The following SPPL2B variants were observed in gnomAD, a reference collection of about 807,000 sequenced individuals.
SPPL2B encodes signal peptide peptidase-like 2B.
In SPPL2B, 39 loss-of-function variants were observed where a neutral mutation model predicts 59.7. The ratio of observed to expected loss-of-function variants is 0.65; its 90% CI spans 0.51 to 0.85. The LOEUF is 0.85. Ranked by LOEUF, SPPL2B falls within the 40% of genes least tolerant of loss-of-function variation. The pLI, the probability that SPPL2B is intolerant of heterozygous loss-of-function variation, is 0.00. For missense variants in SPPL2B, 865 were observed against 849.0 expected (o/e 1.02, Z -0.23); for synonymous variants, 419 against 370.8 (o/e 1.13, Z -1.49).
At chr19:2,334,042 C>T (rs1165586655) in intron 1 of SPPL2B, among the ~76,000 whole-genome samples, 1 of 152,186 alleles carries the variant, frequency 6.6e-6, no homozygotes, top group African/African-American at 2.4e-5. Context: ...TCTGGGGATC[C>T]CCCTCGTCTG....
At chr19:2,339,733 T>G in intron 5 of SPPL2B, 91 bp from the exon 6 acceptor site, 1 of 1,486,098 alleles carries the variant, frequency 6.7e-7, no homozygotes, top group South Asian at 1.2e-5. Flanking sequence ...TCCCGGGTTT[T>G]CTGCCCCGTT....
At chr19:2,349,643 T>A (rs1192378512) in intron 13 of SPPL2B, among the ~76,000 whole-genome samples, 2 of 79,726 alleles carry the variant, frequency 2.5e-5, no homozygotes, top group Admixed American at 1.2e-4. Flanking sequence ...TTCGCTTGAT[T>A]CCGTTCTCTC....
In SPPL2B at chr19:2,339,057, TC is replaced by T. The variant is rs760795701; in HGVS notation, c.460-10del. ...GCTCTGACGCCTGCCTCCGGTGTGT[TC>T]CTTGAGGCAGCGTTTCGGCCGCACG... On this transcript the variant is annotated splice_polypyrimidine_tract_variant and intron_variant, in intron 4 of 14. Coordinates refer to ENST00000613503, the MANE Select transcript of SPPL2B (RefSeq NM_152988.3). 6.4e-7 allele frequency: 1 copy of T among 1,551,092 alleles called. No homozygotes were observed. The highest frequency in any genetic ancestry group is 8.7e-7 in the Non-Finnish European group (1 of 1,146,878).
At chr19:2,345,121 A>G (rs1374804319) in intron 12 of SPPL2B, 132 bp from the exon 13 acceptor site, 3 of 671,198 alleles carry the variant, frequency 4.5e-6, no homozygotes, top group Admixed American at 2.5e-5. Context: ...CCTGTCTGTG[A>G]AATGACAGCA....
chr19:2,350,689 C>T (rs772477099), intron 13 of SPPL2B, among the ~76,000 whole-genome samples: 10 of 152,254 alleles, frequency 6.6e-5, no homozygotes, highest in Non-Finnish European at 2.9e-5. Context: ...CAATGCCATG[C>T]GACAGCCATT....
At chr19:2,336,012 G>A (rs1235849787) in intron 2 of SPPL2B, among the ~76,000 whole-genome samples, 3 of 152,234 alleles carry the variant, frequency 2.0e-5, no homozygotes, top group Non-Finnish European at 4.4e-5. Context: ...TAATAGGTAT[G>A]TGAACACATG....
intron 13 of SPPL2B, among the ~76,000 whole-genome samples, chr19:2,345,772 A>G (rs112380859): frequency 0.019 from 2,555 of 132,082 alleles, 47 homozygotes; most frequent in African/African-American, 0.059. Flanking sequence ...CCTCTTTCTC[A>G]TTCTCCCTGG....
chr19:2,338,404 G>GTCGCC, intron 3 of SPPL2B: 1 of 183,226 alleles, frequency 5.5e-6, no homozygotes, highest in Admixed American at 6.0e-5. Flanking sequence ...GCCCTCAGTG[G>GTCGCC]GTGCGGGGCT....
chr19:2,328,831 G>C, intron 1 of SPPL2B, 56 bp downstream of exon 1: 1 of 1,307,312 alleles, frequency 7.6e-7, no homozygotes, highest in Non-Finnish European at 9.8e-7. Flanking sequence ...CGGCCTCTCT[G>C]TCCCCGGGCT....
At chr19:2,347,239 T>A (rs1420009440) in intron 13 of SPPL2B, among the ~76,000 whole-genome samples, 1 of 133,176 alleles carries the variant, frequency 7.5e-6, no homozygotes, top group Non-Finnish European at 1.6e-5. Flanking sequence ...GCGCTCTCAT[T>A]CGCTTGATGC....
chr19:2,342,897 T>C, intron 8 of SPPL2B: 1 of 353,980 alleles, frequency 2.8e-6, no homozygotes, highest in Non-Finnish European at 5.5e-6. Context: ...GGCCCCACCA[T>C]CTGGGGACAG....
chr19:2,329,074 G>A (rs899022448), intron 1 of SPPL2B, among the ~76,000 whole-genome samples: 1 of 152,236 alleles, frequency 6.6e-6, no homozygotes, highest in African/African-American at 2.4e-5. Flanking sequence ...CCGTTTCGGG[G>A]TCTCCAGTTG....
At position 2,334,733 on chromosome 19, in the gene SPPL2B, C is replaced by T. The variant is rs757543646; in HGVS notation, c.186+12C>T. 1.2e-4 allele frequency: 188 copies of T among 1,570,160 alleles called. 2 individuals carry two copies. The South Asian group carries it at 2.0e-3, about 17-fold the overall frequency. On this transcript the variant is annotated intron_variant, in intron 2 of 14. Transcript: ENST00000613503. ...ACCTCAGCAAGGCAGTGAGTACCCG[C>T]TGGCCGGGCGCCGCTGCGGAGGAGA...
At chr19:2,341,362 C>G (rs911378677) in intron 8 of SPPL2B, 2 of 504,152 alleles carry the variant, frequency 4.0e-6, no homozygotes, top group African/African-American at 3.8e-5. Flanking sequence ...CACCCACGTG[C>G]ACGCCGCAGG....
In SPPL2B at chr19:2,332,965, G is replaced by C. The variant is rs1360126888; in HGVS notation, c.67-1637G>C. The stretch of plus-strand genomic sequence containing the variant: ...GCGGCTGGACTGGGCTCTGCTGGGA[G>C]GGGGAGCAGGAGGAGGGTGGGGATG... On this transcript the variant is annotated intron_variant, in intron 1 of 14. Coordinates refer to ENST00000613503, the MANE Select transcript of SPPL2B (RefSeq NM_152988.3). The surrounding 1 kb of genome is among the most constrained non-coding windows in gnomAD (Gnocchi z 4.6). 1.5e-5 allele frequency among the ~76,000 whole-genome samples: 2 copies of C among 130,478 alleles called. No individual in the cohort carries two copies. The highest frequency in any genetic ancestry group is 2.5e-4 in the South Asian group (1 of 3,984). The allele number at this position is 130,478 out of a possible 152,430, so 85.6% of individuals were successfully genotyped here.
intron 2 of SPPL2B, among the ~76,000 whole-genome samples, chr19:2,336,288 GTA>G (rs548236101): frequency 0.011 from 90 of 8,346 alleles, no homozygotes; most frequent in South Asian, 0.028. Context: ...ATGTGTGTCT[GTA>G]TGTGTGCAGG....
chr19:2,351,759 A>T (rs1171838105), intron 14 of SPPL2B, 165 bp downstream of exon 14: 11 of 923,100 alleles, frequency 1.2e-5, no homozygotes, highest in South Asian at 3.5e-5. Flanking sequence ...GCCCCGGTGG[A>T]AGGACGTGCG....
chr19:2,347,874 T>G (rs1430113948), intron 13 of SPPL2B, among the ~76,000 whole-genome samples: 1 of 29,250 alleles, frequency 3.4e-5, no homozygotes, highest in Non-Finnish European at 7.6e-5. Context: ...TTCGCCTGAT[T>G]CCGTTCTCTC....
intron 4 of SPPL2B, 36 bp downstream of exon 4, chr19:2,338,877 G>A (rs114780113): frequency 6.3e-7 from 1 of 1,598,320 alleles, no homozygotes; most frequent in Non-Finnish European, 8.6e-7. Flanking sequence ...CGCTCCCGAG[G>A]AGATGGGGCA....
Sources: allele counts gnomAD v4.1 joint callset (sites outside exome capture counted in the v4.1 genomes callset), GRCh38; gene constraint gnomAD v4.1.1; non-coding constraint Gnocchi (gnomAD v3.1); transcripts MANE v1.5; gene names NCBI Gene and HGNC (gene_info 2026-07-23, HGNC 2026-07-21).